Variants in ALS2CL observed in about 807,000 individuals in gnomAD.
ALS2CL encodes the protein ALS2 C-terminal like.
A neutral mutation model predicts 127.9 loss-of-function variants in ALS2CL; 112 were observed. The ratio of observed to expected loss-of-function variants is 0.88; its 90% confidence interval spans 0.75 to 1.02. The LOEUF (loss-of-function observed/expected upper bound fraction) is 1.02. ALS2CL is among the 50% of genes least tolerant of loss of function. ALS2CL has a pLI of 0.00. For missense variants in ALS2CL, 1,174 were observed against 1,236.7 expected (o/e 0.95, Z 0.76); for synonymous variants, 519 against 527.6 (o/e 0.98, Z 0.22).
At chr3:46,680,122 C>T (rs1575426366) in intron 14 of ALS2CL, 2 of 354,710 alleles carry the variant, frequency 5.6e-6, no homozygotes, top group East Asian at 1.0e-4. Flanking sequence ...CAAGTTAGGA[C>T]TCTGTGAATG....
chr3:46,683,844 T>C lies in ALS2CL; in HGVS notation c.850A>G (p.Thr284Ala), dbSNP rs148624534. Residue 284 changes from threonine to alanine, a missense_variant, in exon 9 of 26, where the codon ACG (threonine) becomes GCG (alanine). By Grantham distance (58) the Thr-to-Ala change is moderately conservative. Transcript: ENST00000318962. ...VWVDPGQDGC[T>A]FHLLTPEEEF... Reference sequence around the variant, plus strand: ...TCTTCGGGCGTGAGGAGGTGAAACGTGCACCTAGACAGACGGAGGTGATGA... The same window carrying C: ...TCTTCGGGCGTGAGGAGGTGAAACGCGCACCTAGACAGACGGAGGTGATGA... 6.2e-7 allele frequency: 1 copy of C among 1,614,112 alleles called. No individual in the cohort carries two copies. Among genetic ancestry groups the C allele is most frequent in the East Asian group, 2.2e-5 (1 of 44,868 alleles).
At chr3:46,691,248 A>G (rs1429070186) in intron 1 of ALS2CL, among the ~76,000 whole-genome samples, 4 of 151,918 alleles carry the variant, frequency 2.6e-5, no homozygotes, top group African/African-American at 7.3e-5. Flanking sequence ...TGACCTTTTC[A>G]CTCTCAGCTG....
chr3:46,686,936 C>A lies in ALS2CL; in HGVS notation c.534+47G>T. On this transcript the variant is annotated intron_variant, in intron 5 of 25. Transcript: ENST00000318962. The surrounding 1 kb of genome is among the most constrained non-coding windows in gnomAD (Gnocchi z 4.3). ...GAGCCCCCTGAGTCTGGGCCCTATCCCTCCCTTCCCTCGGCTTCCCCACAT... is the reference window on the plus strand; with the variant it reads ...GAGCCCCCTGAGTCTGGGCCCTATCACTCCCTTCCCTCGGCTTCCCCACAT... 6.6e-7 allele frequency: 1 copy of A among 1,520,218 alleles called. No homozygotes were observed. Among genetic ancestry groups the A allele is most frequent in the Non-Finnish European group, 8.8e-7 (1 of 1,138,038 alleles). The allele number at this position is 1,520,218 out of a possible 1,614,324, so 94.2% of individuals were successfully genotyped here. A position where few individuals can be genotyped will look rare whatever the true frequency, so the allele number is the denominator to read the frequency against.
intron 1 of ALS2CL, among the ~76,000 whole-genome samples, chr3:46,689,694 G>C (rs1483389048): frequency 3.3e-5 from 5 of 152,244 alleles, no homozygotes; most frequent in African/African-American, 1.2e-4. Flanking sequence ...GCTCAGAGCT[G>C]CCAAGGGAAG....
rs1699578497 is a variant in ALS2CL, at chr3:46,684,022, A to C, written c.812T>G (p.Leu271Arg). The C allele has an allele frequency of 6.4e-7, 1 of 1,567,350 alleles. No individual in the cohort carries two copies. The highest frequency in any genetic ancestry group is 1.9e-5 in the Admixed American group (1 of 52,622). Residue 271 changes from leucine (L) to arginine (R), a missense_variant, in exon 8 of 26, where the codon CTG becomes CGG. Coordinates refer to ENST00000318962, the MANE Select transcript of ALS2CL (RefSeq NM_147129.5). ...CCCAGGATCCACCCACACCAGCTTCAGATCAAAGGTGTGGACATTGTGGCC... is the reference window on the plus strand; with the variant it reads ...CCCAGGATCCACCCACACCAGCTTCCGATCAAAGGTGTGGACATTGTGGCC... ...LQGHNVHTFD[L>R]KLVWVDPGQD...
At chr3:46,687,784 C>T in intron 3 of ALS2CL, 100 bp from the exon 4 acceptor site, 2 of 1,298,828 alleles carry the variant, frequency 1.5e-6, no homozygotes, top group Non-Finnish European at 2.1e-6. Flanking sequence ...TAGTCAGCTG[C>T]AGCCCTGAGG....
At chr3:46,679,478 C>T (rs996766683) in intron 14 of ALS2CL, 191 bp from the exon 15 acceptor site, 5 of 425,438 alleles carry the variant, frequency 1.2e-5, no homozygotes, top group African/African-American at 6.2e-5. Flanking sequence ...GCACCAGCCC[C>T]GAGGACCCCA....
chr3:46,684,438 A>G (rs975893824), intron 7 of ALS2CL, among the ~76,000 whole-genome samples: 1 of 151,358 alleles, frequency 6.6e-6, no homozygotes, highest in Non-Finnish European at 1.5e-5. Context: ...CCACAATCAC[A>G]CCTTCATGAG....
At chr3:46,678,797 A>T (rs940308423) in intron 15 of ALS2CL, among the ~76,000 whole-genome samples, 5 of 152,238 alleles carry the variant, frequency 3.3e-5, no homozygotes, top group Non-Finnish European at 7.3e-5. Context: ...TCCAGTCATT[A>T]TGAAACCAAA....
intron 10 of ALS2CL, 90 bp from the exon 11 acceptor site, chr3:46,682,184 T>G: frequency 7.2e-7 from 1 of 1,389,482 alleles, no homozygotes; most frequent in Non-Finnish European, 1.0e-6. Flanking sequence ...TCCCTTCCTC[T>G]TCCCTTGGAC....
chr3:46,671,015 G>A lies in ALS2CL; in HGVS notation c.2831C>T (p.Pro944Leu), dbSNP rs1436983734. Residue 944 changes from proline (P) to leucine (L), a missense_variant, in exon 26 of 26, where the codon CCT becomes CTT. Physicochemically the swap from Pro to Leu is moderately conservative, Grantham distance 98. Transcript: ENST00000318962. ...QKEDMRLHRL[P>L]GHWHSRELW ...GAGCTCCCTGGAGTGCCAGTGGCCA[G>A]GTAAGCGGTGCAGCCTCATGTCTTC... 2 of 1,614,182 alleles carry A rather than the reference G, an allele frequency of 1.2e-6. No individual in the cohort carries two copies. The highest frequency in any genetic ancestry group is 1.7e-6 in the Non-Finnish European group (2 of 1,180,030).
At position 46,672,218 on chromosome 3, in the gene ALS2CL, G is replaced by A. The variant is rs774585446; in HGVS notation, c.2473-17C>T. On this transcript the variant is annotated splice_polypyrimidine_tract_variant and intron_variant, in intron 22 of 25. Transcript: ENST00000318962. ...GGAGTACCTCTGCATGGTGGAGGGAGTGGGCTGGATGAGGCCATGGCCCCC... is the reference window on the plus strand; with the variant it reads ...GGAGTACCTCTGCATGGTGGAGGGAATGGGCTGGATGAGGCCATGGCCCCC... The A allele has an allele frequency of 2.5e-6, 4 of 1,613,770 alleles. No individual in the cohort carries two copies. The highest frequency in any genetic ancestry group is 3.4e-6 in the Non-Finnish European group (4 of 1,179,972).
In ALS2CL at chr3:46,686,241, GC is replaced by G. The variant is rs1258214661; in HGVS notation, c.666+66del. On this transcript the variant is annotated intron_variant, in intron 6 of 25. Transcript: ENST00000318962. The surrounding 1 kb of genome is among the most constrained non-coding windows in gnomAD (Gnocchi z 4.3). ...CCAGAGAATACAGCAAGCAGCTCAA[GC>G]CCCCCAACATCTCCATGCCCAATGT... is the stretch of plus-strand genomic sequence containing the variant. 1.3e-6 allele frequency: 2 copies of G among 1,512,534 alleles called. No individual in the cohort carries two copies. Among genetic ancestry groups the G allele is most frequent in the African/African-American group, 2.8e-5 (2 of 71,966 alleles). 93.7% of individuals were successfully genotyped at this position (1,512,534 alleles called of 1,614,324 possible).
intron 19 of ALS2CL, chr3:46,675,908 C>T: frequency 2.1e-6 from 3 of 1,432,064 alleles, no homozygotes; most frequent in Non-Finnish European, 2.7e-6. Context: ...CTTCTATTTG[C>T]AGTGTTTCAT....
intron 7 of ALS2CL, among the ~76,000 whole-genome samples, chr3:46,684,365 G>T (rs1010098715): frequency 2.6e-5 from 4 of 151,610 alleles, no homozygotes; most frequent in Non-Finnish European, 4.4e-5. Flanking sequence ...ACTGCCTGGG[G>T]GTTGAGACAC....
chr3:46,670,989 A>G lies in ALS2CL; in HGVS notation c.2857T>C (p.Trp953Arg), dbSNP rs1237426279. ...TCTGTCCAGGAAAGGCCAGGCTACC[A>G]GAGCTCCCTGGAGTGCCAGTGGCCA... ...LPGHWHSREL[W>R] is the part of the protein sequence containing the mutation. The change falls in exon 26 of 26, where the codon TGG (tryptophan) becomes CGG (arginine). Residue 953 changes from tryptophan to arginine, a missense_variant. Coordinates refer to ENST00000318962, the MANE Select transcript of ALS2CL (RefSeq NM_147129.5). This position sits in a 1 kb window ranked among gnomAD's most constrained non-coding sequence, Gnocchi z 5.5. 2 of 1,613,864 alleles carry G rather than the reference A, an allele frequency of 1.2e-6. No individual in the cohort carries two copies. Among genetic ancestry groups the G allele is most frequent in the Non-Finnish European group, 1.7e-6 (2 of 1,179,722 alleles).
Position 46,671,021 on chromosome 3 carries a change from C to T in ALS2CL, c.2825G>A (p.Arg942His), listed in dbSNP as rs144181784. 2.6e-5 allele frequency: 42 copies of T among 1,614,020 alleles called. No homozygotes were observed. The highest frequency in any genetic ancestry group is 3.3e-5 in the Non-Finnish European group (39 of 1,180,030). The part of the protein sequence containing the change: ...HIQKEDMRLH[R>H]LPGHWHSREL... ...CCTGGAGTGCCAGTGGCCAGGTAAG[C>T]GGTGCAGCCTCATGTCTTCTTTCTG... The change falls in exon 26 of 26, where the codon CGC becomes CAC. Residue 942 changes from arginine to histidine, a missense_variant. By Grantham distance (29) the Arg-to-His change is conservative (BLOSUM62 0). Coordinates refer to ENST00000318962, the MANE Select transcript of ALS2CL (RefSeq NM_147129.5).
chr3:46,680,527 A>T lies in ALS2CL; in HGVS notation c.1451T>A (p.Ile484Asn). ...EEDGDRGERY[I>N]GMWQAGQRHG... is the part of the protein sequence containing the mutation. ...GCGCTGACCAGCCTGCCACATGCCAATGTAGCGCTCACCTCTGGAAGGAGA... is the reference window on the plus strand; with the variant it reads ...GCGCTGACCAGCCTGCCACATGCCATTGTAGCGCTCACCTCTGGAAGGAGA... The change falls in exon 14 of 26, where the codon ATT becomes AAT. Residue 484 changes from isoleucine (I) to asparagine (N), a missense_variant. By Grantham distance (149) the Ile-to-Asn change is moderately radical. Transcript: ENST00000318962. 1.2e-6 allele frequency: 2 copies of T among 1,612,602 alleles called. No individual in the cohort carries two copies. Among genetic ancestry groups the T allele is most frequent in the Non-Finnish European group, 1.7e-6 (2 of 1,179,962 alleles).
chr3:46,683,288 C>T lies in ALS2CL; in HGVS notation c.951G>A (p.Gln317=). The change falls in exon 10 of 26, where the codon CAG becomes CAA. Residue 317 remains glutamine (Q), a synonymous_variant. Transcript: ENST00000318962. ...GGAAGTCCTTCTTCCCATGCAGGGC[C>T]TGGTGAACAGCCCAGGTCACCTTCC... ...WQWKVTWAVH[Q]ALHGKKDFPV... is the part of the protein sequence containing the mutation. 1 of 1,601,780 alleles carries T rather than the reference C, an allele frequency of 6.2e-7. No individual in the cohort carries two copies. Among genetic ancestry groups the T allele is most frequent in the East Asian group, 2.3e-5 (1 of 44,282 alleles).
Sources: allele counts gnomAD v4.1 joint callset (sites outside exome capture counted in the v4.1 genomes callset), GRCh38; gene constraint gnomAD v4.1.1; non-coding constraint Gnocchi (gnomAD v3.1); transcripts MANE v1.5; gene names NCBI Gene and HGNC (gene_info 2026-07-23, HGNC 2026-07-21).